Variants in ZHX2 observed in about 807,000 individuals in gnomAD.
The protein encoded by ZHX2 is zinc fingers and homeoboxes protein 2.
Under a neutral mutation model 21.9 loss-of-function variants are expected in ZHX2, and 6 were observed. The ratio of observed to expected loss-of-function variants is 0.27; its 90% confidence interval spans 0.15 to 0.54. ZHX2 has a LOEUF of 0.54. ZHX2 is among the 20% of genes least tolerant of loss of function. The probability of loss-of-function intolerance (pLI) is 0.95; values close to 1 mark genes in which losing one functional copy is unlikely to be tolerated. For synonymous variants in ZHX2, 434 were observed against 437.1 expected (o/e 0.99, Z 0.09); for missense variants, 908 against 1,090.7 (o/e 0.83, Z 2.36).
At chr8:122,892,694 TA>T (rs1586366127) in intron 2 of ZHX2, among the ~76,000 whole-genome samples, 1 of 152,222 alleles carries the variant, frequency 6.6e-6, no homozygotes, top group African/African-American at 2.4e-5. Flanking sequence ...TTTATTTATT[TA>T]TTTTTTTGAG....
chr8:122,883,880 G>A (rs1819773776), intron 2 of ZHX2, among the ~76,000 whole-genome samples: 1 of 152,232 alleles, frequency 6.6e-6, no homozygotes, highest in Admixed American at 6.5e-5. Flanking sequence ...GAGGTAGCTG[G>A]CAGACATTTG....
intron 3 of ZHX2, among the ~76,000 whole-genome samples, chr8:122,961,341 C>T (rs767887253): frequency 1.3e-5 from 2 of 152,186 alleles, no homozygotes; most frequent in Non-Finnish European, 2.9e-5. Context: ...TCTCCAAATA[C>T]AGTCACCTTA....
intron 2 of ZHX2, among the ~76,000 whole-genome samples, chr8:122,948,940 T>A (rs1158872426): frequency 6.6e-6 from 1 of 152,192 alleles, no homozygotes; most frequent in Admixed American, 6.5e-5. Flanking sequence ...TGAAAGAGGC[T>A]ACAAGAGAAA....
At chr8:122,838,315 T>C (rs1451129014) in intron 1 of ZHX2, among the ~76,000 whole-genome samples, 1 of 152,208 alleles carries the variant, frequency 6.6e-6, no homozygotes, top group African/African-American at 2.4e-5. Flanking sequence ...TGCCCATCCC[T>C]CACATGCCCT....
chr8:122,890,087 TG>T (rs1478633302), intron 2 of ZHX2, among the ~76,000 whole-genome samples: 2 of 152,216 alleles, frequency 1.3e-5, no homozygotes, highest in African/African-American at 4.8e-5. Flanking sequence ...TTTTATAGTT[TG>T]GGGTCTTACA....
At chr8:122,860,336 T>C (rs776446665) in intron 1 of ZHX2, among the ~76,000 whole-genome samples, 2 of 152,208 alleles carry the variant, frequency 1.3e-5, no homozygotes, top group African/African-American at 2.4e-5. Context: ...ACAGAAAGCC[T>C]AACCATATCA....
rs566529999 is a variant in ZHX2 at position 122,869,280 on chromosome 8, G to A, written c.-220+5741G>A. ...ATCCTATCCCACCCTCCCATTCTCC[G>A]TAGTGTGGCTGCCCTGTGGTGTATC... On this transcript the variant is annotated intron_variant, in intron 2 of 3. Coordinates refer to ENST00000314393, the MANE Select transcript of ZHX2 (RefSeq NM_014943.5). Among the ~76,000 whole-genome samples, 181 of 151,888 alleles carry A rather than the reference G, an allele frequency of 1.2e-3. 1 individual carries two copies. Among genetic ancestry groups the A allele is most frequent in the African/African-American group, 2.0e-3 (83 of 41,448 alleles).
At chr8:122,842,282 C>T (rs192471096) in intron 1 of ZHX2, among the ~76,000 whole-genome samples, 1 of 152,202 alleles carries the variant, frequency 6.6e-6, no homozygotes, top group African/African-American at 2.4e-5. Context: ...TCTCTCAGGG[C>T]CCCCAGTCCT....
At chr8:122,915,156 G>A (rs1441240492) in intron 2 of ZHX2, among the ~76,000 whole-genome samples, 2 of 152,170 alleles carry the variant, frequency 1.3e-5, no homozygotes, top group Non-Finnish European at 2.9e-5. Flanking sequence ...GTAATGCAGT[G>A]AAGACCCAGA....
intron 1 of ZHX2, among the ~76,000 whole-genome samples, chr8:122,860,994 CTGCA>C (rs1819152218): frequency 6.8e-6 from 1 of 146,152 alleles, no homozygotes; most frequent in Non-Finnish European, 1.5e-5. Context: ...GATCATGCCA[CTGCA>C]TGCACTCCAG....
At position 122,963,043 on chromosome 8, in the gene ZHX2, T is replaced by A. The variant is rs150762684; in HGVS notation, c.*4+9015T>A. Among the ~76,000 whole-genome samples the A allele has an allele frequency of 2.5e-3, 384 of 152,358 alleles. 4 individuals are homozygous for A. The highest frequency in any genetic ancestry group is 8.9e-3 in the African/African-American group (370 of 41,584). On this transcript the variant is annotated intron_variant, in intron 3 of 3. Transcript: ENST00000314393. ...TTAGTCCTTTGTCAGATGCGTAGTTTGTGAATATTTTCTCCCACTCTGTGG... is the reference window on the plus strand; with the variant it reads ...TTAGTCCTTTGTCAGATGCGTAGTTAGTGAATATTTTCTCCCACTCTGTGG...
intron 1 of ZHX2, among the ~76,000 whole-genome samples, chr8:122,834,118 G>A (rs1254023258): frequency 2.6e-5 from 4 of 152,310 alleles, no homozygotes; most frequent in South Asian, 2.1e-4. Flanking sequence ...GACTGGGTGG[G>A]TCCTGAAAAA....
intron 3 of ZHX2, among the ~76,000 whole-genome samples, chr8:122,961,492 T>C (rs1432695720): frequency 1.4e-4 from 21 of 152,178 alleles, no homozygotes; most frequent in Non-Finnish European, 5.9e-5. Flanking sequence ...CATACTGCTA[T>C]AAAGAACTGC....
intron 2 of ZHX2, among the ~76,000 whole-genome samples, chr8:122,926,510 C>T (rs1459949842): frequency 6.6e-6 from 1 of 152,158 alleles, no homozygotes; most frequent in Non-Finnish European, 1.5e-5. Flanking sequence ...CGATGGGGAA[C>T]GTGGGAAGAC....
At chr8:122,798,599 C>T (rs1300214086) in intron 1 of ZHX2, among the ~76,000 whole-genome samples, 1 of 152,040 alleles carries the variant, frequency 6.6e-6, no homozygotes, top group African/African-American at 2.4e-5. Context: ...TCAAGACCAT[C>T]CTGGCCAAAC....
At chr8:122,898,731 G>A (rs567679456) in intron 2 of ZHX2, among the ~76,000 whole-genome samples, 49 of 152,210 alleles carry the variant, frequency 3.2e-4, no homozygotes, top group Admixed American at 5.9e-4. Flanking sequence ...ACTCATTAAA[G>A]CTTCACAATA....
chr8:122,930,852 T>G (rs951889919), intron 2 of ZHX2, among the ~76,000 whole-genome samples: 1 of 151,678 alleles, frequency 6.6e-6, no homozygotes, highest in African/African-American at 2.4e-5. Flanking sequence ...CCATGGGAAG[T>G]AGGGGGACCG....
chr8:122,924,747 T>C (rs1261186019), intron 2 of ZHX2, among the ~76,000 whole-genome samples: 1 of 152,172 alleles, frequency 6.6e-6, no homozygotes, highest in African/African-American at 2.4e-5. Context: ...ATGAACCGAT[T>C]GGCCCATCGG....
chr8:122,819,140 G>A (rs1055091979), intron 1 of ZHX2, among the ~76,000 whole-genome samples: 4 of 152,230 alleles, frequency 2.6e-5, no homozygotes, highest in African/African-American at 9.6e-5. Flanking sequence ...TGAGAAGACA[G>A]TGGTTAGACC....
Sources: gnomAD v4.1 joint callset for allele counts (sites outside exome capture counted in the v4.1 genomes callset) on GRCh38, gnomAD v4.1.1 for gene constraint, MANE v1.5 for transcripts, NCBI Gene and HGNC (gene_info 2026-07-23, HGNC 2026-07-21) for gene names.